Variants in FN3K observed in about 807,000 individuals in gnomAD.
The protein encoded by FN3K is fructosamine-3-kinase.
Under a neutral mutation model 24.8 loss-of-function variants are expected in FN3K, and 24 were observed. The ratio of observed to expected loss-of-function variants is 0.97; its 90% confidence interval spans 0.70 to 1.36. The LOEUF is 1.36. FN3K is among the 40% of genes most tolerant of loss of function. The probability of loss-of-function intolerance (pLI) is 0.00; values close to 1 mark genes in which losing one functional copy is unlikely to be tolerated. For synonymous variants in FN3K, 192 were observed against 175.2 expected (o/e 1.10, Z -0.76); for missense variants, 449 against 416.7 (o/e 1.08, Z -0.67).
rs762615077 is a variant in FN3K at position 82,748,888 on chromosome 17, T to G, written c.502T>G (p.Phe168Val). ...GTGGCAGGATGACTGGCCGACCTTTTTCGCCCGGCACCGGCTCCAGGCGCA... is the reference window on the plus strand; with the variant it reads ...GTGGCAGGATGACTGGCCGACCTTTGTCGCCCGGCACCGGCTCCAGGCGCA... ...NEWQDDWPTF[F>V]ARHRLQAQLD... The change falls in exon 5 of 6, where the codon TTC becomes GTC. Residue 168 changes from phenylalanine to valine, a missense_variant. Transcript: ENST00000300784. 1 of 1,613,680 alleles carries G rather than the reference T, an allele frequency of 6.2e-7. No individual in the cohort carries two copies. The highest frequency in any genetic ancestry group is 2.2e-5 in the East Asian group (1 of 44,894).
At position 82,750,917 on chromosome 17, in the gene FN3K, CCCGTCCCCGTCCCT is replaced by C; in HGVS notation, c.*165_*178del. On this transcript the variant is annotated 3_prime_UTR_variant, in exon 6 of 6. Coordinates refer to ENST00000300784, the MANE Select transcript of FN3K (RefSeq NM_022158.4). ...CCCCCCATCCTCCTGTCCCCGTCCCCCCGTCCCCGTCCCTCCATCCCTGTCCCCCGTCCCCCTGT... is the reference window on the plus strand; with the variant it reads ...CCCCCCATCCTCCTGTCCCCGTCCCCCCATCCCTGTCCCCCGTCCCCCTGT... The C allele has an allele frequency of 2.5e-6, 1 of 402,254 alleles. No individual in the cohort carries two copies. Among genetic ancestry groups the C allele is most frequent in the East Asian group, 4.2e-5 (1 of 23,612 alleles). 24.9% of individuals were successfully genotyped at this position (402,254 alleles called of 1,614,324 possible).
rs967445973 is a variant in FN3K, at chr17:82,750,721, C to T, written c.896C>T (p.Pro299Leu). The T allele has an allele frequency of 6.2e-7, 1 of 1,613,616 alleles. No individual in the cohort carries two copies. Among genetic ancestry groups the T allele is most frequent in the African/African-American group, 1.3e-5 (1 of 75,014 alleles). The change falls in exon 6 of 6, where the codon CCT (proline) becomes CTT (leucine). Residue 299 changes from proline (P) to leucine (L), a missense_variant. Physicochemically the swap from Pro to Leu is moderately conservative, Grantham distance 98. Coordinates refer to ENST00000300784, the MANE Select transcript of FN3K (RefSeq NM_022158.4). Reference protein sequence around the residue: ...WNHFGREYRSPSLGTMRRLLK With the variant: ...WNHFGREYRSLSLGTMRRLLK ...CACTTCGGGCGGGAGTACAGGAGCC[C>T]TTCCTTGGGCACCATGCGAAGGCTG...
chr17:82,745,061 C>T (rs145396680), intron 4 of FN3K: 1,970 of 152,616 alleles, frequency 0.013, 59 homozygotes, highest in African/African-American at 0.045. Context: ...ACTAATCCTC[C>T]TCAGTACAGA....
At chr17:82,739,069 T>G (rs926231131) in intron 2 of FN3K, among the ~76,000 whole-genome samples, 2 of 150,946 alleles carry the variant, frequency 1.3e-5, no homozygotes, top group African/African-American at 4.9e-5. Flanking sequence ...CACCTCAGCC[T>G]CCTGAGTAGC....
At chr17:82,735,898 G>T in intron 1 of FN3K, 121 bp downstream of exon 1, 1 of 1,342,692 alleles carries the variant, frequency 7.4e-7, no homozygotes, top group South Asian at 1.3e-5. Flanking sequence ...TTTGGCCCTT[G>T]GGAGGTGGCA....
chr17:82,744,084 A>G (rs995814295), intron 4 of FN3K, among the ~76,000 whole-genome samples: 5 of 152,134 alleles, frequency 3.3e-5, no homozygotes, highest in Non-Finnish European at 1.5e-5. Context: ...TGAGCTGGGG[A>G]TCTGACAGCC....
At position 82,750,885 on chromosome 17, in the gene FN3K, C is replaced by T. The variant is rs573644742; in HGVS notation, c.*130C>T. ...GTCTCCCCGTCCCTCCGTCTCCATC[C>T]CCCCGTCCCCCCATCCTCCTGTCCC... On this transcript the variant is annotated 3_prime_UTR_variant, in exon 6 of 6. Transcript: ENST00000300784. The T allele has an allele frequency of 1.8e-6, 1 of 547,926 alleles. No homozygotes were observed. Among genetic ancestry groups the T allele is most frequent in the Non-Finnish European group, 3.1e-6 (1 of 322,074 alleles). The allele number at this position is 547,926 out of a possible 1,614,324, so 33.9% of individuals were successfully genotyped here.
chr17:82,743,202 G>T (rs1463160293), intron 4 of FN3K, among the ~76,000 whole-genome samples: 1 of 152,208 alleles, frequency 6.6e-6, no homozygotes, highest in Non-Finnish European at 1.5e-5. Flanking sequence ...CAAGTGGCGG[G>T]CTCTACAGGA....
intron 1 of FN3K, among the ~76,000 whole-genome samples, chr17:82,736,917 C>T (rs544427902): frequency 1.3e-5 from 2 of 152,348 alleles, no homozygotes; most frequent in Non-Finnish European, 2.9e-5. Context: ...TGAGACCCCT[C>T]CTTCCCTCCC....
Position 82,740,826 on chromosome 17 carries a change from G to T in FN3K, c.357G>T (p.Glu119Asp). The change falls in exon 3 of 6, where the codon GAG (glutamate) becomes GAT (aspartate). Residue 119 changes from glutamate (E) to aspartate (D), a missense_variant. Glu to Asp is a conservative substitution (Grantham distance 45). Transcript: ENST00000300784. ...ATCTTTACAACCAGAAGCTCAGGGA[G>T]AAGTTGAAGGAGGAGGAGAACACAG... ...DLHLYNQKLR[E>D]KLKEEENTVG... 6.2e-7 allele frequency: 1 copy of T among 1,613,632 alleles called. No individual in the cohort carries two copies. Among genetic ancestry groups the T allele is most frequent in the Non-Finnish European group, 8.5e-7 (1 of 1,179,676 alleles).
chr17:82,747,476 C>T (rs1170321159), intron 4 of FN3K, among the ~76,000 whole-genome samples: 1 of 152,246 alleles, frequency 6.6e-6, no homozygotes, highest in Non-Finnish European at 1.5e-5. Flanking sequence ...TCTCAGCTCA[C>T]TGCAACCTCT....
At chr17:82,739,409 C>T (rs1410563079) in intron 2 of FN3K, among the ~76,000 whole-genome samples, 1 of 151,644 alleles carries the variant, frequency 6.6e-6, no homozygotes, top group African/African-American at 2.4e-5. Flanking sequence ...TTGTCTCAGC[C>T]TCGCGAGTGG....
intron 4 of FN3K, among the ~76,000 whole-genome samples, chr17:82,748,137 G>C (rs957005764): frequency 6.7e-6 from 1 of 148,718 alleles, no homozygotes; most frequent in South Asian, 2.2e-4. Flanking sequence ...AGCCACTCTA[G>C]CTTTCTTTTT....
At position 82,750,487 on chromosome 17, in the gene FN3K, G is replaced by C; in HGVS notation, c.662G>C (p.Gly221Ala). ...PALLHGDLWS[G>A]NVAEDDVGPI... The stretch of plus-strand genomic sequence containing the variant: ...TTGCTCCACGGGGATCTCTGGTCGG[G>C]AAACGTGGCTGAGGACGACGTGGGG... Residue 221 changes from glycine to alanine, a missense_variant, in exon 6 of 6, where the codon GGA (glycine) becomes GCA (alanine). Gly to Ala is a moderately conservative substitution (Grantham distance 60). Coordinates refer to ENST00000300784, the MANE Select transcript of FN3K (RefSeq NM_022158.4). 1 of 1,614,188 alleles carries C rather than the reference G, an allele frequency of 6.2e-7. No individual in the cohort carries two copies. Among genetic ancestry groups the C allele is most frequent in the Non-Finnish European group, 8.5e-7 (1 of 1,180,036 alleles).
chr17:82,737,442 C>A (rs1447032996), intron 1 of FN3K, among the ~76,000 whole-genome samples: 1 of 151,976 alleles, frequency 6.6e-6, no homozygotes, highest in African/African-American at 2.4e-5. Flanking sequence ...CCTGCCTCAG[C>A]CTCCCGAGTA....
intron 1 of FN3K, 42 bp from the exon 2 acceptor site, chr17:82,738,447 G>C: frequency 6.2e-7 from 1 of 1,611,250 alleles, no homozygotes; most frequent in Non-Finnish European, 8.5e-7. Context: ...CAGAGGCCCT[G>C]GCTGAGTCAA....
At chr17:82,743,339 C>T (rs1163117220) in intron 4 of FN3K, among the ~76,000 whole-genome samples, 2 of 152,232 alleles carry the variant, frequency 1.3e-5, no homozygotes, top group South Asian at 2.1e-4. Flanking sequence ...CAATGCCCCT[C>T]GGACTCCAGG....
At chr17:82,747,695 G>T (rs1334800021) in intron 4 of FN3K, among the ~76,000 whole-genome samples, 1 of 152,178 alleles carries the variant, frequency 6.6e-6, no homozygotes, top group African/African-American at 2.4e-5. Context: ...CACCAGGCCT[G>T]GCCTTCCTAT....
At chr17:82,737,170 G>A (rs2046907386) in intron 1 of FN3K, among the ~76,000 whole-genome samples, 2 of 152,176 alleles carry the variant, frequency 1.3e-5, no homozygotes, top group South Asian at 2.1e-4. Context: ...GCTTTCCCTG[G>A]GGTACTTTGA....
Sources: gnomAD v4.1 joint callset for allele counts (sites outside exome capture counted in the v4.1 genomes callset) on GRCh38, gnomAD v4.1.1 for gene constraint, MANE v1.5 for transcripts, NCBI Gene and HGNC (gene_info 2026-07-23, HGNC 2026-07-21) for gene names.